The following SHISA9 variants were observed in gnomAD, a reference collection of about 807,000 sequenced individuals.
SHISA9 encodes protein shisa-9.
Under a neutral mutation model 38.0 loss-of-function variants are expected in SHISA9, and 13 were observed. That is an observed-to-expected ratio of 0.34 (90% CI 0.22 to 0.54). SHISA9 has a LOEUF of 0.54. SHISA9 is among the 20% of genes least tolerant of loss of function. The pLI, the probability that SHISA9 is intolerant of heterozygous loss-of-function variation, is 0.91. For synonymous variants in SHISA9, 275 were observed against 242.0 expected, an observed-to-expected ratio of 1.14 and a Z score of -1.27; for missense variants, 538 against 575.8, an observed-to-expected ratio of 0.93 and a Z score of 0.67.
the SHISA9 span, among the ~76,000 whole-genome samples, chr16:13,417,990 A>G: frequency 2.0e-4 from 31 of 152,220 alleles, no homozygotes; most frequent in Admixed American, 1.4e-3. Flanking sequence ...GGTTGAAACC[A>G]TGAGCCTATT....
In SHISA9 at chr16:12,985,226, T is replaced by C. The variant is rs147460399; in HGVS notation, c.691+68411T>C. On this transcript the variant is annotated intron_variant, in intron 2 of 4. Transcript: ENST00000558583. The stretch of plus-strand genomic sequence containing the variant: ...CTACACTATATCTGTCAACGAAAAA[T>C]AAATAAATAAATAAGTAAATAAATA... 1.3e-3 allele frequency among the ~76,000 whole-genome samples: 178 copies of C among 137,586 alleles called. 2 individuals carry two copies. Among genetic ancestry groups the C allele is most frequent in the Middle Eastern group, 3.5e-3 (1 of 284 alleles). The allele number at this position is 137,586 out of a possible 152,430, so 90.3% of individuals were successfully genotyped here. A position where few individuals can be genotyped will look rare whatever the true frequency, so the allele number is the denominator to read the frequency against.
chr16:12,920,175 G>A (rs2071309621), intron 2 of SHISA9, among the ~76,000 whole-genome samples: 1 of 149,502 alleles, frequency 6.7e-6, no homozygotes, highest in East Asian at 2.0e-4. Context: ...CAAGTCGTGG[G>A]TACGGGGAGG....
At chr16:13,095,429 A>T (rs996897419) in intron 2 of SHISA9, among the ~76,000 whole-genome samples, 1 of 152,208 alleles carries the variant, frequency 6.6e-6, no homozygotes, top group Admixed American at 6.5e-5. Flanking sequence ...GGCAGATTAG[A>T]GGGGCCATAC....
Position 13,235,119 on chromosome 16 carries a change from G to A in SHISA9, c.985G>A (p.Val329Met). 6.4e-7 allele frequency: 1 copy of A among 1,551,696 alleles called. No homozygotes were observed. The highest frequency in any genetic ancestry group is 8.7e-7 in the Non-Finnish European group (1 of 1,146,996). The change falls in exon 5 of 5, where the codon GTG becomes ATG. Residue 329 changes from valine to methionine, a missense_variant. Physicochemically the swap from Val to Met is conservative, Grantham distance 21. Coordinates refer to ENST00000558583, the MANE Select transcript of SHISA9 (RefSeq NM_001145204.3). The stretch of plus-strand genomic sequence containing the variant: ...GAACTTACCTCTGCACCCCGTAAGA[G>A]TGGAGGACGAGCCCCGGGCCTTCAG... Reference protein sequence around the residue: ...KGNLPLHPVRVEDEPRAFSPE... With the variant: ...KGNLPLHPVRMEDEPRAFSPE...
At chr16:13,085,884 C>G (rs1442927047) in intron 2 of SHISA9, among the ~76,000 whole-genome samples, 1 of 151,978 alleles carries the variant, frequency 6.6e-6, no homozygotes, top group African/African-American at 2.4e-5. Context: ...GTAGTAATGT[C>G]TCAAGAACTT....
chr16:13,279,750 G>A, the SHISA9 span, among the ~76,000 whole-genome samples: 2 of 151,800 alleles, frequency 1.3e-5, no homozygotes, highest in African/African-American at 2.4e-5. Context: ...TCTCCCTGTG[G>A]TCATGTCAGT....
chr16:13,086,353 C>CAAAAAAAA (rs767516512), intron 2 of SHISA9, among the ~76,000 whole-genome samples: 12 of 50,954 alleles, frequency 2.4e-4, no homozygotes, highest in African/African-American at 7.0e-4. Context: ...GATTCCATCT[C>CAAAAAAAA]AAAAAAAAAA....
chr16:13,446,955 G>C, the SHISA9 span, among the ~76,000 whole-genome samples: 1 of 147,796 alleles, frequency 6.8e-6, no homozygotes, highest in Admixed American at 6.8e-5. Context: ...ACTCCAGCCT[G>C]AGTAACAGAG....
chr16:13,293,244 G>A, the SHISA9 span, among the ~76,000 whole-genome samples: 40 of 152,158 alleles, frequency 2.6e-4, no homozygotes, highest in Admixed American at 1.7e-3. Flanking sequence ...ACACGCACGC[G>A]CGCAAACACA....
At chr16:12,902,879 C>G in intron 1 of SHISA9, 2 of 435,854 alleles carry the variant, frequency 4.6e-6, no homozygotes, top group South Asian at 9.2e-5. Flanking sequence ...ACTCTGCTCC[C>G]TCACCCTCTG....
the SHISA9 span, among the ~76,000 whole-genome samples, chr16:13,535,172 G>C: frequency 6.6e-6 from 1 of 152,174 alleles, no homozygotes; most frequent in East Asian, 1.9e-4. Context: ...GTTGAACCCA[G>C]GAGGCAGAGG....
chr16:13,222,434 G>C (rs1301814357), intron 4 of SHISA9, among the ~76,000 whole-genome samples: 2 of 152,156 alleles, frequency 1.3e-5, no homozygotes, highest in African/African-American at 4.8e-5. Flanking sequence ...CTGGCCTGGG[G>C]GAAGAGGGAA....
intron 2 of SHISA9, among the ~76,000 whole-genome samples, chr16:13,193,516 T>C (rs568458109): frequency 1.7e-4 from 26 of 152,252 alleles, no homozygotes; most frequent in African/African-American, 6.3e-4. Flanking sequence ...GGCTAATTTT[T>C]GTATTTTTTA....
the SHISA9 span, among the ~76,000 whole-genome samples, chr16:13,319,492 A>G: frequency 6.6e-6 from 1 of 152,180 alleles, no homozygotes; most frequent in Non-Finnish European, 1.5e-5. Flanking sequence ...ATCGCACAAG[A>G]ATAAAGCTGG....
the SHISA9 span, among the ~76,000 whole-genome samples, chr16:13,399,430 G>C: frequency 1.3e-5 from 2 of 152,220 alleles, no homozygotes; most frequent in South Asian, 2.1e-4. Context: ...AATTGTAGTG[G>C]TTCTTTGTTC....
the SHISA9 span, among the ~76,000 whole-genome samples, chr16:13,556,726 CCCT>C: frequency 1.3e-5 from 2 of 151,934 alleles, no homozygotes; most frequent in Non-Finnish European, 1.5e-5. Flanking sequence ...TGTGGGTTCT[CCCT>C]CCTCAGATTC....
the SHISA9 span, chr16:13,258,484 A>T: frequency 3.3e-5 from 5 of 152,228 alleles, no homozygotes; most frequent in Non-Finnish European, 7.3e-5. Context: ...TCATTAATTC[A>T]TTTCACAATA....
the SHISA9 span, among the ~76,000 whole-genome samples, chr16:13,311,261 T>C: frequency 6.6e-6 from 1 of 152,040 alleles, no homozygotes; most frequent in Non-Finnish European, 1.5e-5. Flanking sequence ...GTATCTCGTA[T>C]ATATGTGTTT....
At chr16:13,337,756 C>T in the SHISA9 span, among the ~76,000 whole-genome samples, 13 of 152,110 alleles carry the variant, frequency 8.5e-5, no homozygotes, top group Admixed American at 2.6e-4. Context: ...ATCATGGGGG[C>T]AGACTTCCCC....
Sources: gnomAD v4.1 joint callset for allele counts (sites outside exome capture counted in the v4.1 genomes callset) on GRCh38, gnomAD v4.1.1 for gene constraint, MANE v1.5 for transcripts, NCBI Gene and HGNC (gene_info 2026-07-23, HGNC 2026-07-21) for gene names.